Variants in RALYL observed in about 807,000 individuals in gnomAD.
RALYL encodes RNA-binding Raly-like protein.
A neutral mutation model predicts 35.1 loss-of-function variants in RALYL; 29 were observed. That is an observed-to-expected ratio of 0.83 (90% CI 0.61 to 1.13). RALYL has a LOEUF of 1.13. Among genes scored for constraint, RALYL ranks in the 50% most tolerant of loss-of-function variants. RALYL has a pLI of 0.00. For missense variants in RALYL, 359 were observed against 360.4 expected (o/e 1.00, Z 0.03); for synonymous variants, 120 against 127.6 (o/e 0.94, Z 0.40).
intron 3 of RALYL, 35 bp downstream of exon 3, chr8:84,774,689 A>G (rs762994522): frequency 1.4e-6 from 2 of 1,432,182 alleles, no homozygotes; most frequent in Non-Finnish European, 1.9e-6. Flanking sequence ...TCTATATATT[A>G]GTGAAATTTT....
At chr8:84,804,439 G>A (rs984348666) in intron 3 of RALYL, among the ~76,000 whole-genome samples, 2 of 152,012 alleles carry the variant, frequency 1.3e-5, no homozygotes, top group Non-Finnish European at 2.9e-5. Context: ...ATATAGAAAC[G>A]TCTACAAACA....
At chr8:84,368,714 G>A (rs1855056287) in intron 1 of RALYL, among the ~76,000 whole-genome samples, 1 of 152,062 alleles carries the variant, frequency 6.6e-6, no homozygotes, top group Non-Finnish European at 1.5e-5. Context: ...GAATAGCATG[G>A]GAAAGACCCA....
intron 2 of RALYL, among the ~76,000 whole-genome samples, chr8:84,688,087 T>G (rs557776795): frequency 6.6e-6 from 1 of 152,032 alleles, no homozygotes; most frequent in South Asian, 2.1e-4. Context: ...CAATTGCCAT[T>G]GATGAACTAA....
chr8:84,601,731 A>C (rs1352761672), intron 2 of RALYL, among the ~76,000 whole-genome samples: 2 of 152,094 alleles, frequency 1.3e-5, no homozygotes, highest in Non-Finnish European at 1.5e-5. Flanking sequence ...AGAAAAAAAA[A>C]CTAAAGCCCT....
chr8:84,291,814 A>G (rs1289456098), intron 1 of RALYL, among the ~76,000 whole-genome samples: 1 of 151,658 alleles, frequency 6.6e-6, no homozygotes, highest in East Asian at 1.9e-4. Flanking sequence ...AATTAAGAAT[A>G]AATAGTGGTT....
chr8:84,814,778 A>G (rs1563665122), intron 4 of RALYL, among the ~76,000 whole-genome samples: 1 of 152,224 alleles, frequency 6.6e-6, no homozygotes, highest in African/African-American at 2.4e-5. Flanking sequence ...GCACCAGGAA[A>G]TGACTTCTAA....
intron 1 of RALYL, among the ~76,000 whole-genome samples, chr8:84,304,738 T>C (rs1841478243): frequency 6.6e-6 from 1 of 152,194 alleles, no homozygotes; most frequent in Non-Finnish European, 1.5e-5. Context: ...TCATGCTTTT[T>C]CTTAATATTA....
intron 2 of RALYL, among the ~76,000 whole-genome samples, chr8:84,579,326 T>C (rs943073687): frequency 1.3e-5 from 2 of 152,168 alleles, no homozygotes; most frequent in South Asian, 4.1e-4. Flanking sequence ...GAGCAGGCCC[T>C]TTCAAGACTG....
At chr8:84,580,438 C>T (rs750066018) in intron 2 of RALYL, among the ~76,000 whole-genome samples, 4 of 151,980 alleles carry the variant, frequency 2.6e-5, no homozygotes, top group Non-Finnish European at 5.9e-5. Flanking sequence ...ATAAAGTGGA[C>T]CAGCATGTGC....
chr8:84,557,273 T>A (rs983254432), intron 2 of RALYL, among the ~76,000 whole-genome samples: 1 of 152,206 alleles, frequency 6.6e-6, no homozygotes, highest in Non-Finnish European at 1.5e-5. Context: ...AGAGTTTTTA[T>A]AAATAATCCT....
chr8:84,537,974 G>C (rs184605490), intron 2 of RALYL, among the ~76,000 whole-genome samples: 1 of 152,240 alleles, frequency 6.6e-6, no homozygotes, highest in African/African-American at 2.4e-5. Context: ...ATCTTTCACT[G>C]TCATCAATTA....
intron 1 of RALYL, among the ~76,000 whole-genome samples, chr8:84,522,956 A>G (rs778944890): frequency 6.6e-6 from 1 of 151,890 alleles, no homozygotes; most frequent in Non-Finnish European, 1.5e-5. Flanking sequence ...TTCCACATAA[A>G]CAGGGGGCCT....
At chr8:84,842,562 C>A (rs1833669084) in intron 4 of RALYL, among the ~76,000 whole-genome samples, 2 of 152,224 alleles carry the variant, frequency 1.3e-5, no homozygotes, top group South Asian at 4.1e-4. Flanking sequence ...AGTACCATTC[C>A]TTCTGAAACT....
At chr8:84,592,928 G>A (rs147975168) in intron 2 of RALYL, among the ~76,000 whole-genome samples, 2 of 152,074 alleles carry the variant, frequency 1.3e-5, no homozygotes, top group South Asian at 2.1e-4. Context: ...TAGCTTGAAG[G>A]TTGTTTGAGA....
intron 1 of RALYL, among the ~76,000 whole-genome samples, chr8:84,407,684 A>C (rs2043679216): frequency 6.6e-6 from 1 of 152,178 alleles, no homozygotes; most frequent in African/African-American, 2.4e-5. Context: ...TGCAGAATCA[A>C]CTTTTACAAG....
intron 2 of RALYL, among the ~76,000 whole-genome samples, chr8:84,704,437 A>G (rs908471105): frequency 7.0e-6 from 1 of 143,476 alleles, no homozygotes; most frequent in Non-Finnish European, 1.5e-5. Context: ...CAGCCCCCCA[A>G]TACACACAGA....
chr8:84,665,926 A>G (rs939952424), intron 2 of RALYL: 1 of 152,072 alleles, frequency 6.6e-6, no homozygotes, highest in Non-Finnish European at 1.5e-5. Context: ...TCATAATATA[A>G]AAGATCATAG....
At chr8:84,791,754 C>T (rs1820826588) in intron 3 of RALYL, among the ~76,000 whole-genome samples, 1 of 152,176 alleles carries the variant, frequency 6.6e-6, no homozygotes, top group African/African-American at 2.4e-5. Flanking sequence ...AGGATAAACA[C>T]ATTATCTGCT....
At chr8:84,432,241 T>C (rs60227) in intron 1 of RALYL, among the ~76,000 whole-genome samples, 94,258 of 151,952 alleles carry the variant, frequency 0.62, 29,872 homozygotes, top group African/African-American at 0.75. Context: ...CATGGATGAA[T>C]CTGGAAGCCA....
Sources: gnomAD v4.1 joint callset for allele counts (sites outside exome capture counted in the v4.1 genomes callset) on GRCh38, gnomAD v4.1.1 for gene constraint, MANE v1.5 for transcripts, NCBI Gene and HGNC (gene_info 2026-07-23, HGNC 2026-07-21) for gene names.